The following ZNF609 variants were observed in gnomAD, a reference collection of about 807,000 sequenced individuals.
The protein encoded by ZNF609 is zinc finger protein 609.
A neutral mutation model predicts 109.5 loss-of-function variants in ZNF609; 11 were observed. That is an observed-to-expected ratio of 0.10 (90% confidence interval 0.06 to 0.17). The LOEUF is 0.17. Ranked by LOEUF, ZNF609 falls within the 10% of genes least tolerant of loss-of-function variation. The pLI is 1.00. For synonymous variants in ZNF609, 646 were observed against 662.0 expected (o/e 0.98, Z 0.37); for missense variants, 1,559 against 1,772.4 (o/e 0.88, Z 2.16).
chr15:64,551,328 C>T (rs1408562318), intron 2 of ZNF609, among the ~76,000 whole-genome samples: 1 of 152,004 alleles, frequency 6.6e-6, no homozygotes, highest in Non-Finnish European at 1.5e-5. Context: ...GTACTTATAC[C>T]TTAATTCAAA....
intron 3 of ZNF609, among the ~76,000 whole-genome samples, chr15:64,632,999 G>A (rs896855773): frequency 1.3e-5 from 2 of 151,258 alleles, no homozygotes; most frequent in Non-Finnish European, 2.9e-5. Flanking sequence ...TTACAGGCTG[G>A]TTTCAAACTC....
At chr15:64,503,440 G>A (rs1231029013) in intron 2 of ZNF609, among the ~76,000 whole-genome samples, 2 of 152,198 alleles carry the variant, frequency 1.3e-5, no homozygotes, top group Non-Finnish European at 2.9e-5. Flanking sequence ...AGGGATGGAA[G>A]GGGAGGTAGG....
At chr15:64,530,028 G>A (rs1894035502) in intron 2 of ZNF609, among the ~76,000 whole-genome samples, 1 of 151,456 alleles carries the variant, frequency 6.6e-6, no homozygotes, top group Non-Finnish European at 1.5e-5. Flanking sequence ...ACTGCACCTG[G>A]CCTTGGTTTT....
At chr15:64,491,711 G>A (rs950304242) in intron 1 of ZNF609, among the ~76,000 whole-genome samples, 2 of 152,100 alleles carry the variant, frequency 1.3e-5, no homozygotes, top group Non-Finnish European at 2.9e-5. Flanking sequence ...GCCGAGTATG[G>A]TGGCGCCCCT....
At chr15:64,492,884 A>G (rs1188313791) in intron 1 of ZNF609, among the ~76,000 whole-genome samples, 1 of 152,192 alleles carries the variant, frequency 6.6e-6, no homozygotes, top group African/African-American at 2.4e-5. Context: ...CGAATTGAGT[A>G]TAGCATTTTT....
chr15:64,625,932 T>C (rs1479423394), intron 3 of ZNF609, among the ~76,000 whole-genome samples: 72 of 74,622 alleles, frequency 9.6e-4, no homozygotes, highest in Non-Finnish European at 2.8e-4. Context: ...TATATATATA[T>C]ATATAGAGAG....
chr15:64,479,490 A>C lies in ZNF609; in HGVS notation c.-128+18652A>C, dbSNP rs377289780. 9.9e-5 allele frequency among the ~76,000 whole-genome samples: 15 copies of C among 151,828 alleles called. No homozygotes were observed. In the East Asian group the frequency reaches 2.7e-3, roughly 28 times the overall value. On this transcript the variant is annotated intron_variant, in intron 1 of 9. Transcript: ENST00000326648. ...GTATTTTTAGTGGAGATGGGGTTTC[A>C]CTGTGTTAGCCAGGATGGTCTCTAT...
intron 1 of ZNF609, among the ~76,000 whole-genome samples, chr15:64,478,571 T>G (rs536841955): frequency 2.0e-5 from 3 of 152,098 alleles, no homozygotes; most frequent in Admixed American, 6.6e-5. Flanking sequence ...AGAGACAGGG[T>G]TTCACCATGT....
chr15:64,596,385 A>G (rs1895398643), intron 2 of ZNF609, among the ~76,000 whole-genome samples: 1 of 152,054 alleles, frequency 6.6e-6, no homozygotes, highest in Admixed American at 6.6e-5. Context: ...CAAACTCCTG[A>G]CCTTGTGATC....
Position 64,625,462 on chromosome 15 carries a change from G to C in ZNF609, c.973+2410G>C, listed in dbSNP as rs143547080. Among the ~76,000 whole-genome samples the C allele has an allele frequency of 2.6e-3, 396 of 152,260 alleles. 9 individuals are homozygous for C. In the East Asian group the frequency reaches 0.06, roughly 23 times the overall value. ...TTGAACCCCGGAGGTGGAGGTTGCA[G>C]TGAGCCGAGATCGCACCATTGCACT... On this transcript the variant is annotated intron_variant, in intron 3 of 9. Coordinates refer to ENST00000326648, the MANE Select transcript of ZNF609 (RefSeq NM_015042.2).
At chr15:64,529,789 G>C (rs549968557) in intron 2 of ZNF609, 1 of 480,592 alleles carries the variant, frequency 2.1e-6, no homozygotes, top group East Asian at 4.7e-5. Context: ...GGAGTGCAAT[G>C]GTGCAACCTC....
At chr15:64,491,097 C>A (rs2140344527) in intron 1 of ZNF609, among the ~76,000 whole-genome samples, 1 of 152,242 alleles carries the variant, frequency 6.6e-6, no homozygotes, top group East Asian at 1.9e-4. Flanking sequence ...AGCTATGGTA[C>A]TTGAGGAGAT....
intron 2 of ZNF609, among the ~76,000 whole-genome samples, chr15:64,541,313 G>A (rs1445868636): frequency 6.7e-6 from 1 of 150,048 alleles, no homozygotes; most frequent in East Asian, 2.0e-4. Flanking sequence ...TGTAGTCCCC[G>A]CTACTCGGGA....
At chr15:64,663,499 G>C (rs76743212) in intron 3 of ZNF609, among the ~76,000 whole-genome samples, 5 of 152,132 alleles carry the variant, frequency 3.3e-5, no homozygotes, top group African/African-American at 1.2e-4. Flanking sequence ...CCATTTAGAC[G>C]TCCAATGGAA....
At chr15:64,588,353 A>G (rs949608378) in intron 2 of ZNF609, among the ~76,000 whole-genome samples, 16 of 140,806 alleles carry the variant, frequency 1.1e-4, no homozygotes, top group Non-Finnish European at 1.8e-4. Context: ...GCATGAACCC[A>G]GGAGGCGGAG....
At chr15:64,600,754 CTT>C (rs1198440200) in intron 2 of ZNF609, among the ~76,000 whole-genome samples, 1 of 151,930 alleles carries the variant, frequency 6.6e-6, no homozygotes, top group African/African-American at 2.4e-5. Context: ...AATGGCCTCT[CTT>C]AATTTTTATA....
chr15:64,530,589 C>A (rs1440835334), intron 2 of ZNF609, among the ~76,000 whole-genome samples: 1 of 152,082 alleles, frequency 6.6e-6, no homozygotes, highest in Non-Finnish European at 1.5e-5. Flanking sequence ...TAAACAAAAG[C>A]TAGTATTTTC....
At chr15:64,614,808 C>T (rs1595739745) in intron 2 of ZNF609, among the ~76,000 whole-genome samples, 3 of 122,630 alleles carry the variant, frequency 2.4e-5, no homozygotes, top group Non-Finnish European at 3.3e-5. Context: ...GATAACATCT[C>T]GCTTTTTTTT....
At chr15:64,666,909 A>G (rs1595757697) in intron 3 of ZNF609, among the ~76,000 whole-genome samples, 2 of 151,886 alleles carry the variant, frequency 1.3e-5, no homozygotes, top group Non-Finnish European at 2.9e-5. Flanking sequence ...CGGGCGGATC[A>G]TGAGATCAGG....
Sources: allele counts gnomAD v4.1 joint callset (sites outside exome capture counted in the v4.1 genomes callset), GRCh38; gene constraint gnomAD v4.1.1; transcripts MANE v1.5; gene names NCBI Gene and HGNC (gene_info 2026-07-23, HGNC 2026-07-21).